The following C12orf42 variants were observed in gnomAD, a reference collection of about 807,000 sequenced individuals.
The protein encoded by C12orf42 is chromosome 12 open reading frame 42.
Under a neutral mutation model 21.6 loss-of-function variants are expected in C12orf42, and 25 were observed. That is an observed-to-expected ratio of 1.16 (90% CI 0.84 to 1.62). C12orf42 has a LOEUF of 1.62. Among genes scored for constraint, C12orf42 ranks in the 40% most tolerant of loss-of-function variants. The pLI, the probability that C12orf42 is intolerant of heterozygous loss-of-function variation, is 0.00. For missense variants in C12orf42, 483 were observed against 459.3 expected, an observed-to-expected ratio of 1.05 and a Z score of -0.47; for synonymous variants, 174 against 175.0, an observed-to-expected ratio of 0.99 and a Z score of 0.05.
chr12:103,121,105 C>T, the C12orf42 span, among the ~76,000 whole-genome samples: 21 of 151,990 alleles, frequency 1.4e-4, no homozygotes, highest in African/African-American at 5.1e-4. Context: ...TCTCAAGATG[C>T]CTTATCTGTA....
At chr12:103,182,717 A>T in the C12orf42 span, among the ~76,000 whole-genome samples, 1 of 152,248 alleles carries the variant, frequency 6.6e-6, no homozygotes, top group African/African-American at 2.4e-5. Context: ...AATAATACAA[A>T]AAAACACTCT....
At chr12:103,269,273 C>T (rs897461006) in intron 6 of C12orf42, among the ~76,000 whole-genome samples, 3 of 152,004 alleles carry the variant, frequency 2.0e-5, no homozygotes, top group Admixed American at 6.6e-5. Flanking sequence ...AGGAAGGAAG[C>T]GGATGACGTA....
the C12orf42 span, among the ~76,000 whole-genome samples, chr12:103,071,389 T>C: frequency 6.6e-6 from 1 of 152,104 alleles, no homozygotes; most frequent in African/African-American, 2.4e-5. Context: ...ACACCCACCT[T>C]CCAAAGTGGT....
intron 4 of C12orf42, among the ~76,000 whole-genome samples, chr12:103,366,195 C>T (rs2044584178): frequency 6.6e-6 from 1 of 151,874 alleles, no homozygotes; most frequent in Non-Finnish European, 1.5e-5. Context: ...ACAAAGCAAA[C>T]AAAAACATAA....
the C12orf42 span, among the ~76,000 whole-genome samples, chr12:103,094,300 T>C: frequency 6.6e-6 from 1 of 152,210 alleles, no homozygotes; most frequent in Admixed American, 6.5e-5. Context: ...CCCTTTCATA[T>C]TGAATGAAGT....
intron 2 of C12orf42, among the ~76,000 whole-genome samples, chr12:103,426,704 G>C (rs1472006963): frequency 6.6e-6 from 1 of 152,166 alleles, no homozygotes; most frequent in Non-Finnish European, 1.5e-5. Context: ...GTTAAGGGAA[G>C]CCAGAAAAGT....
the C12orf42 span, among the ~76,000 whole-genome samples, chr12:103,087,030 T>C: frequency 1.3e-5 from 2 of 152,184 alleles, no homozygotes; most frequent in Non-Finnish European, 2.9e-5. Flanking sequence ...TAGTATTCCA[T>C]TTAGTAATTA....
In C12orf42 at chr12:103,333,353, T is replaced by C. The variant is rs543355902; in HGVS notation, c.260-27008A>G. Reference sequence around the variant, plus strand: ...TCATATGTATAAAGTTTTTATAGAGTATTTGTTACATAGTAAATGCTCAAT... The same window carrying C: ...TCATATGTATAAAGTTTTTATAGAGCATTTGTTACATAGTAAATGCTCAAT... On this transcript the variant is annotated intron_variant, in intron 4 of 5. Coordinates refer to ENST00000548883, the MANE Select transcript of C12orf42 (RefSeq NM_198521.5). 5.9e-5 allele frequency among the ~76,000 whole-genome samples: 9 copies of C among 152,324 alleles called. No homozygotes were observed. The South Asian group carries it at 1.7e-3, about 28-fold the overall frequency.
chr12:103,174,928 G>A, the C12orf42 span, among the ~76,000 whole-genome samples: 13 of 152,184 alleles, frequency 8.5e-5, no homozygotes, highest in African/African-American at 1.9e-4. Flanking sequence ...TGTATCCAGC[G>A]AAAAGTAAAT....
the C12orf42 span, among the ~76,000 whole-genome samples, chr12:103,230,266 C>T: frequency 6.6e-6 from 1 of 152,064 alleles, no homozygotes; most frequent in African/African-American, 2.4e-5. Flanking sequence ...GCAGAGAAAA[C>T]TACTTGCTTC....
intron 4 of C12orf42, among the ~76,000 whole-genome samples, chr12:103,282,454 T>C (rs574742353): frequency 1.1e-3 from 160 of 152,338 alleles, no homozygotes; most frequent in African/African-American, 3.7e-3. Context: ...ACCGTTGTGT[T>C]GTAATTGCCT....
intron 3 of C12orf42, among the ~76,000 whole-genome samples, chr12:103,394,208 G>A (rs935225414): frequency 6.6e-6 from 1 of 152,230 alleles, no homozygotes; most frequent in Non-Finnish European, 1.5e-5. Flanking sequence ...AGTCAGAGAG[G>A]AGATTGAGAA....
At chr12:103,282,527 T>C (rs896527290) in intron 4 of C12orf42, among the ~76,000 whole-genome samples, 2 of 152,176 alleles carry the variant, frequency 1.3e-5, no homozygotes, top group African/African-American at 4.8e-5. Flanking sequence ...GGATATATCA[T>C]ATAGCCTAGC....
At chr12:103,378,677 T>G (rs1363668661) in intron 3 of C12orf42, 1 of 152,190 alleles carries the variant, frequency 6.6e-6, no homozygotes, top group African/African-American at 2.4e-5. Flanking sequence ...GTATAACATA[T>G]GCTCTAGATT....
chr12:103,368,661 A>G (rs1343150864), intron 4 of C12orf42, among the ~76,000 whole-genome samples: 1 of 152,124 alleles, frequency 6.6e-6, no homozygotes, highest in Admixed American at 6.6e-5. Flanking sequence ...AAATTAATAA[A>G]ATGAAATTAA....
intron 3 of C12orf42, among the ~76,000 whole-genome samples, chr12:103,390,102 G>C (rs2046946091): frequency 6.6e-6 from 1 of 152,128 alleles, no homozygotes. Context: ...TGCTGCTGAA[G>C]GTTCTACTGT....
chr12:103,461,176 A>T (rs1952674919), intron 2 of C12orf42, among the ~76,000 whole-genome samples: 1 of 152,224 alleles, frequency 6.6e-6, no homozygotes, highest in Non-Finnish European at 1.5e-5. Context: ...TCTTACACAT[A>T]TGCAAATATG....
the C12orf42 span, among the ~76,000 whole-genome samples, chr12:103,124,908 T>C: frequency 6.6e-6 from 1 of 152,168 alleles, no homozygotes; most frequent in Non-Finnish European, 1.5e-5. Flanking sequence ...GCTAAGAGTA[T>C]GCAGTTGATC....
the C12orf42 span, among the ~76,000 whole-genome samples, chr12:103,202,037 T>C: frequency 2.6e-5 from 4 of 152,204 alleles, no homozygotes; most frequent in African/African-American, 9.6e-5. Context: ...AAACACCTAG[T>C]AACCTAGTAA....
Sources: gnomAD v4.1 joint callset for allele counts (sites outside exome capture counted in the v4.1 genomes callset) on GRCh38, gnomAD v4.1.1 for gene constraint, MANE v1.5 for transcripts, NCBI Gene and HGNC (gene_info 2026-07-23, HGNC 2026-07-21) for gene names.